Variants in KCNH7 observed in about 807,000 individuals in gnomAD.
KCNH7 encodes potassium voltage-gated channel subfamily H member 7.
In KCNH7, 49 loss-of-function variants were observed where a neutral mutation model predicts 120.8. That is an observed-to-expected ratio of 0.41 (90% confidence interval 0.32 to 0.51). The LOEUF is 0.51. Among genes scored for constraint, KCNH7 ranks in the 20% least tolerant of loss-of-function variants. KCNH7 has a pLI of 0.38. For missense variants in KCNH7, 1,097 were observed against 1,446.6 expected (o/e 0.76, Z 3.92); for synonymous variants, 547 against 516.1 (o/e 1.06, Z -0.81).
chr2:162,559,659 T>G (rs1692992908), intron 2 of KCNH7, among the ~76,000 whole-genome samples: 1 of 152,190 alleles, frequency 6.6e-6, no homozygotes, highest in African/African-American at 2.4e-5. Context: ...TCTTCACAAC[T>G]TAAGCTGAAG....
intron 2 of KCNH7, among the ~76,000 whole-genome samples, chr2:162,705,272 A>G (rs1686656985): frequency 6.6e-6 from 1 of 152,090 alleles, no homozygotes; most frequent in Non-Finnish European, 1.5e-5. Context: ...CTTAATCTAG[A>G]AACTAGAGAT....
chr2:162,809,342 G>A (rs965421627), intron 2 of KCNH7, among the ~76,000 whole-genome samples: 1 of 152,160 alleles, frequency 6.6e-6, no homozygotes, highest in Non-Finnish European at 1.5e-5. Flanking sequence ...TTCTTTTGAT[G>A]TGAATTTATG....
At chr2:162,517,693 T>C (rs771290107) in intron 4 of KCNH7, 37 bp downstream of exon 4, 2 of 1,444,546 alleles carry the variant, frequency 1.4e-6, no homozygotes, top group South Asian at 1.3e-5. Flanking sequence ...TATTACCCAT[T>C]AATATATGTT....
chr2:162,813,006 A>T (rs951028561), intron 2 of KCNH7, among the ~76,000 whole-genome samples: 2 of 152,044 alleles, frequency 1.3e-5, no homozygotes, highest in Non-Finnish European at 2.9e-5. Flanking sequence ...GTTGTTAAGA[A>T]TTTTTACATG....
intron 2 of KCNH7, among the ~76,000 whole-genome samples, chr2:162,589,062 A>AATT (rs1308611856): frequency 7.9e-5 from 12 of 152,012 alleles, no homozygotes; most frequent in Admixed American, 3.9e-4. Flanking sequence ...ATGTGGTCTA[A>AATT]ATTCTTCATT....
intron 2 of KCNH7, among the ~76,000 whole-genome samples, chr2:162,544,430 T>C (rs1340393337): frequency 6.6e-6 from 1 of 152,150 alleles, no homozygotes; most frequent in African/African-American, 2.4e-5. Flanking sequence ...TAATATGATT[T>C]AGATCCTCAC....
At chr2:162,788,967 A>C (rs1461272874) in intron 2 of KCNH7, among the ~76,000 whole-genome samples, 3 of 136,526 alleles carry the variant, frequency 2.2e-5, no homozygotes, top group Non-Finnish European at 4.7e-5. Flanking sequence ...AGATGATGGG[A>C]TGATATAGTC....
intron 2 of KCNH7, among the ~76,000 whole-genome samples, chr2:162,588,168 G>A (rs1694082897): frequency 6.6e-6 from 1 of 152,034 alleles, no homozygotes; most frequent in Non-Finnish European, 1.5e-5. Context: ...CAATGATGAC[G>A]CCACTACTGA....
intron 6 of KCNH7, among the ~76,000 whole-genome samples, chr2:162,465,266 C>G (rs1299210048): frequency 6.6e-6 from 1 of 152,122 alleles, no homozygotes; most frequent in Non-Finnish European, 1.5e-5. Flanking sequence ...CCCTTTCAGC[C>G]TTCATATACT....
chr2:162,774,418 T>A (rs1262708534), intron 2 of KCNH7, among the ~76,000 whole-genome samples: 3 of 152,182 alleles, frequency 2.0e-5, no homozygotes, highest in African/African-American at 7.2e-5. Context: ...TCTGTGTTGC[T>A]TATGCAAAGA....
intron 2 of KCNH7, among the ~76,000 whole-genome samples, chr2:162,563,834 T>C (rs761734465): frequency 2.6e-5 from 4 of 152,190 alleles, no homozygotes; most frequent in Admixed American, 1.3e-4. Context: ...CATTAATTTC[T>C]AGTTCTTTCT....
chr2:162,377,232 T>C (rs932673077), intron 14 of KCNH7, among the ~76,000 whole-genome samples: 6 of 150,946 alleles, frequency 4.0e-5, no homozygotes, highest in Non-Finnish European at 1.5e-5. Context: ...GGAGTAAAAA[T>C]GTAATATTTT....
chr2:162,786,384 T>C (rs1487983681), intron 2 of KCNH7, among the ~76,000 whole-genome samples: 5 of 151,730 alleles, frequency 3.3e-5, no homozygotes, highest in Non-Finnish European at 7.4e-5. Flanking sequence ...ATTACCCCTA[T>C]CCTACAGATA....
At chr2:162,385,736 G>A (rs1189434308) in intron 12 of KCNH7, among the ~76,000 whole-genome samples, 3 of 151,724 alleles carry the variant, frequency 2.0e-5, no homozygotes, top group Non-Finnish European at 4.4e-5. Context: ...CCAACAAAAC[G>A]CCAGAAGGTA....
At chr2:162,386,559 A>G (rs551647409) in intron 12 of KCNH7, among the ~76,000 whole-genome samples, 175 of 151,930 alleles carry the variant, frequency 1.2e-3, no homozygotes, top group Non-Finnish European at 1.5e-3. Flanking sequence ...TCACTTGGGA[A>G]CCAGAGATAT....
Position 162,508,935 on chromosome 2 carries a change from G to C in KCNH7, c.913+3719C>G, listed in dbSNP as rs536929847. ...GATTCAGTAGAAAGTCATGTAAAAC[G>C]CAGAAGCATAGAGGTGGACTTGATG... On this transcript the variant is annotated intron_variant, in intron 5 of 15. Coordinates refer to ENST00000332142, the MANE Select transcript of KCNH7 (RefSeq NM_033272.4). 2.0e-5 allele frequency among the ~76,000 whole-genome samples: 3 copies of C among 151,606 alleles called. No homozygotes were observed. In the South Asian group the frequency reaches 6.2e-4, roughly 31 times the overall value.
intron 8 of KCNH7, among the ~76,000 whole-genome samples, chr2:162,427,309 T>C (rs1488443484): frequency 1.3e-5 from 2 of 152,128 alleles, no homozygotes; most frequent in African/African-American, 2.4e-5. Flanking sequence ...TTCAAAGTTG[T>C]ATCATTTTAC....
At chr2:162,617,179 G>T (rs1301037946) in intron 2 of KCNH7, among the ~76,000 whole-genome samples, 2 of 152,100 alleles carry the variant, frequency 1.3e-5, no homozygotes, top group African/African-American at 4.8e-5. Context: ...TCAGTTGGCT[G>T]CAAGAATTTA....
At chr2:162,740,639 G>A (rs1688093456) in intron 2 of KCNH7, among the ~76,000 whole-genome samples, 1 of 152,188 alleles carries the variant, frequency 6.6e-6, no homozygotes, top group South Asian at 2.1e-4. Context: ...TGAATCCTGA[G>A]ACTGGTGTAC....
Sources: gnomAD v4.1 joint callset for allele counts (sites outside exome capture counted in the v4.1 genomes callset) on GRCh38, gnomAD v4.1.1 for gene constraint, MANE v1.5 for transcripts, NCBI Gene and HGNC (gene_info 2026-07-23, HGNC 2026-07-21) for gene names.